LRIG1: variants seen among roughly 807,000 people sequenced by gnomAD.
LRIG1 encodes leucine rich repeats and immunoglobulin like domains 1.
In LRIG1, 48 loss-of-function variants were observed where a neutral mutation model predicts 99.2. That is an observed-to-expected ratio of 0.48 (90% CI 0.38 to 0.62). The LOEUF (loss-of-function observed/expected upper bound fraction) is 0.62, where lower values mean the gene tolerates loss of function less well. LRIG1 is among the 20% of genes least tolerant of loss of function. The pLI is 0.00. For synonymous variants in LRIG1, 772 were observed against 596.1 expected (o/e 1.29, Z -4.30); for missense variants, 1,646 against 1,434.4 (o/e 1.15, Z -2.38).
chr3:66,428,412 C>T (rs1188556344), intron 3 of LRIG1, among the ~76,000 whole-genome samples: 1 of 152,092 alleles, frequency 6.6e-6, no homozygotes, highest in Non-Finnish European at 1.5e-5. Context: ...CATGGCCAAG[C>T]TCAATCTAAT....
chr3:66,464,226 T>G (rs1389493587), intron 1 of LRIG1, among the ~76,000 whole-genome samples: 2 of 152,204 alleles, frequency 1.3e-5, no homozygotes, highest in Non-Finnish European at 2.9e-5. Flanking sequence ...TGACTGTAAC[T>G]TTTGTATCAT....
At chr3:66,493,273 T>C (rs1479264472) in intron 1 of LRIG1, among the ~76,000 whole-genome samples, 2 of 152,150 alleles carry the variant, frequency 1.3e-5, no homozygotes, top group African/African-American at 4.8e-5. Flanking sequence ...GATAAAATGA[T>C]TAGTTTAAGG....
At chr3:66,423,398 C>T (rs145535590) in intron 3 of LRIG1, among the ~76,000 whole-genome samples, 1 of 152,054 alleles carries the variant, frequency 6.6e-6, no homozygotes, top group African/African-American at 2.4e-5. Flanking sequence ...ATGGAGCAAC[C>T]CTGTCTCTAC....
intron 1 of LRIG1, among the ~76,000 whole-genome samples, chr3:66,476,614 G>C (rs1700728125): frequency 6.6e-6 from 1 of 152,144 alleles, no homozygotes; most frequent in Non-Finnish European, 1.5e-5. Context: ...GCCTCTTCCT[G>C]CGAGACACAC....
chr3:66,389,442 C>A (rs538380650), intron 12 of LRIG1, among the ~76,000 whole-genome samples: 2 of 152,190 alleles, frequency 1.3e-5, no homozygotes, highest in South Asian at 2.1e-4. Flanking sequence ...ATAAAAAAAA[C>A]TATGATCCAG....
intron 8 of LRIG1, among the ~76,000 whole-genome samples, chr3:66,405,533 C>T (rs778979526): frequency 6.6e-6 from 1 of 152,196 alleles, no homozygotes; most frequent in Non-Finnish European, 1.5e-5. Flanking sequence ...GGAGGCCACA[C>T]TCAAGGGAAG....
chr3:66,418,875 C>T (rs1023114273), intron 3 of LRIG1, among the ~76,000 whole-genome samples: 16 of 152,134 alleles, frequency 1.1e-4, no homozygotes, highest in Non-Finnish European at 1.5e-4. Flanking sequence ...CAACTCTGCA[C>T]ACAGAACCTC....
intron 8 of LRIG1, chr3:66,406,437 G>A (rs1324432130): frequency 2.0e-6 from 2 of 985,090 alleles, no homozygotes; most frequent in Non-Finnish European, 2.4e-6. Flanking sequence ...GGCTGACCTG[G>A]CCTGAATAGC....
rs1268223228 is a variant in LRIG1, at chr3:66,386,277, A to G, written c.1493T>C (p.Ile498Thr). 2 of 1,613,992 alleles carry G rather than the reference A, an allele frequency of 1.2e-6. No individual in the cohort carries two copies. The highest frequency in any genetic ancestry group is 1.7e-6 in the Non-Finnish European group (2 of 1,179,968). The change falls in exon 13 of 19, where the codon ATC (isoleucine) becomes ACC (threonine). Residue 498 changes from isoleucine (I) to threonine (T), a missense_variant. Ile to Thr is a moderately conservative substitution (Grantham distance 89). Transcript: ENST00000273261. The part of the protein sequence containing the change: ...VCDDFLKPQI[I>T]TQPETTMAMV... ...AGCCATGGTGGTTTCTGGCTGGGTG[A>G]TGATCTGTGGCTTCAGGAAGTCATC...
At chr3:66,424,524 G>A (rs1702917477) in intron 3 of LRIG1, among the ~76,000 whole-genome samples, 1 of 152,136 alleles carries the variant, frequency 6.6e-6, no homozygotes, top group African/African-American at 2.4e-5. Context: ...GCAAACCCAA[G>A]TGGTCATCAT....
At chr3:66,402,294 T>C (rs564355454) in intron 9 of LRIG1, among the ~76,000 whole-genome samples, 237 of 152,192 alleles carry the variant, frequency 1.6e-3, no homozygotes, top group Non-Finnish European at 2.1e-3. Context: ...GCACAACCAT[T>C]TGGAAACAGG....
intron 3 of LRIG1, among the ~76,000 whole-genome samples, chr3:66,436,846 T>C (rs991934799): frequency 6.6e-6 from 1 of 152,092 alleles, no homozygotes; most frequent in Admixed American, 6.6e-5. Context: ...TGAAAGAAAA[T>C]GAAAACATAA....
At chr3:66,396,998 G>A (rs1162100891) in intron 11 of LRIG1, among the ~76,000 whole-genome samples, 1 of 152,210 alleles carries the variant, frequency 6.6e-6, no homozygotes, top group Admixed American at 6.5e-5. Context: ...TGGAGGCAGA[G>A]CTGCTGAGGC....
intron 1 of LRIG1, among the ~76,000 whole-genome samples, chr3:66,474,771 C>T (rs1471023826): frequency 6.6e-6 from 1 of 152,178 alleles, no homozygotes; most frequent in Non-Finnish European, 1.5e-5. Context: ...AGGGTGGACC[C>T]TAGCGGCAAA....
At chr3:66,469,517 T>C (rs1055501302) in intron 1 of LRIG1, among the ~76,000 whole-genome samples, 5 of 152,184 alleles carry the variant, frequency 3.3e-5, no homozygotes, top group East Asian at 1.9e-4. Context: ...TGACGTTAAC[T>C]GAGAGAAGAA....
At chr3:66,455,609 T>G (rs1395047510) in intron 2 of LRIG1, among the ~76,000 whole-genome samples, 1 of 152,232 alleles carries the variant, frequency 6.6e-6, no homozygotes, top group Non-Finnish European at 1.5e-5. Context: ...CTTTGGTTGC[T>G]CCCAAATACA....
chr3:66,430,397 A>G (rs540930652), intron 3 of LRIG1, among the ~76,000 whole-genome samples: 2 of 152,204 alleles, frequency 1.3e-5, no homozygotes, highest in African/African-American at 4.8e-5. Flanking sequence ...ATTCAATTGA[A>G]CCCCAAACAC....
intron 3 of LRIG1, among the ~76,000 whole-genome samples, chr3:66,426,843 A>G (rs1049132137): frequency 2.0e-5 from 3 of 152,154 alleles, no homozygotes; most frequent in Non-Finnish European, 2.9e-5. Flanking sequence ...AAGATCTAAG[A>G]AGCTGTGCCC....
chr3:66,403,625 G>C (rs917037289), intron 9 of LRIG1, among the ~76,000 whole-genome samples: 1 of 152,152 alleles, frequency 6.6e-6, no homozygotes, highest in Admixed American at 6.5e-5. Context: ...CACAGAGGGC[G>C]GGCACTCAGG....
Sources: gnomAD v4.1 joint callset for allele counts (sites outside exome capture counted in the v4.1 genomes callset) on GRCh38, gnomAD v4.1.1 for gene constraint, MANE v1.5 for transcripts, NCBI Gene and HGNC (gene_info 2026-07-23, HGNC 2026-07-21) for gene names.